The following DAB1 variants were observed in gnomAD, a reference collection of about 807,000 sequenced individuals.
The protein encoded by DAB1 is disabled homolog 1.
In DAB1, 15 loss-of-function variants were observed where a neutral mutation model predicts 64.6. That is an observed-to-expected ratio of 0.23 (90% CI 0.16 to 0.36). The LOEUF is 0.36. DAB1 is among the 10% of genes least tolerant of loss of function. The pLI, the probability that DAB1 is intolerant of heterozygous loss-of-function variation, is 1.00. For synonymous variants in DAB1, 235 were observed against 251.9 expected, an observed-to-expected ratio of 0.93 and a Z score of 0.64; for missense variants, 596 against 706.7, an observed-to-expected ratio of 0.84 and a Z score of 1.78.
At chr1:57,250,808 T>C (rs1489034125) in intron 2 of DAB1, among the ~76,000 whole-genome samples, 1 of 152,242 alleles carries the variant, frequency 6.6e-6, no homozygotes. Context: ...CATATTATCA[T>C]GTCATCTTTT....
At chr1:57,597,035 A>C (rs1212889789) in intron 7 of DAB1, among the ~76,000 whole-genome samples, 1 of 152,114 alleles carries the variant, frequency 6.6e-6, no homozygotes, top group Admixed American at 6.6e-5. Flanking sequence ...TCTGAAAGTG[A>C]GTGTTTATCC....
At chr1:57,614,619 T>C (rs914688302) in intron 7 of DAB1, among the ~76,000 whole-genome samples, 1 of 152,170 alleles carries the variant, frequency 6.6e-6, no homozygotes, top group Non-Finnish European at 1.5e-5. Context: ...CCTTATGAGA[T>C]GATTGTGACA....
chr1:57,614,794 T>C (rs1329295769), intron 7 of DAB1, among the ~76,000 whole-genome samples: 1 of 152,124 alleles, frequency 6.6e-6, no homozygotes, highest in African/African-American at 2.4e-5. Context: ...GTGAATTTTG[T>C]TTCCATAGTG....
chr1:57,050,175 C>T (rs777839954), intron 9 of DAB1, among the ~76,000 whole-genome samples: 51 of 152,144 alleles, frequency 3.4e-4, no homozygotes, highest in Non-Finnish European at 6.3e-4. Flanking sequence ...ATATTAGATC[C>T]CCTCTATTAA....
intron 6 of DAB1, among the ~76,000 whole-genome samples, chr1:57,814,949 C>T (rs1209595921): frequency 1.3e-5 from 2 of 152,156 alleles, no homozygotes; most frequent in African/African-American, 2.4e-5. Flanking sequence ...TTTGAGGCTA[C>T]GATGCTGTAG....
intron 4 of DAB1, among the ~76,000 whole-genome samples, chr1:58,313,848 T>A (rs1445156149): frequency 5.5e-5 from 8 of 145,096 alleles, no homozygotes; most frequent in African/African-American, 2.1e-4. Flanking sequence ...TGTGTGTGTG[T>A]GTGTGTGTGA....
intron 5 of DAB1, among the ~76,000 whole-genome samples, chr1:57,919,991 G>A (rs551537008): frequency 1.0e-3 from 158 of 152,278 alleles, no homozygotes; most frequent in South Asian, 6.8e-3. Context: ...TGGATTTATA[G>A]AGTTTATTTT....
intron 4 of DAB1, among the ~76,000 whole-genome samples, chr1:58,269,215 C>A (rs1452086440): frequency 6.9e-6 from 1 of 145,812 alleles, no homozygotes; most frequent in African/African-American, 2.5e-5. Flanking sequence ...CTTCCTGTGT[C>A]CATGTGATCT....
In DAB1 at chr1:57,176,965, G is replaced by C. The variant is rs12062456; in HGVS notation, c.68-31536C>G. ...AAGCAGATAAAAAAAAGAAGCAGCA[G>C]CAGATATAAAAAAAAAAAAAAAAAA... On this transcript the variant is annotated intron_variant, in intron 2 of 14. Transcript: ENST00000371236. Among the ~76,000 whole-genome samples, 591 of 78,260 alleles carry C rather than the reference G, an allele frequency of 7.6e-3. 5 individuals are homozygous for C. The highest frequency in any genetic ancestry group is 0.033 in the African/African-American group (535 of 16,458). The allele number at this position is 78,260 out of a possible 152,430, so 51.3% of individuals were successfully genotyped here.
At chr1:57,533,664 A>G (rs981890655) in intron 7 of DAB1, among the ~76,000 whole-genome samples, 2 of 56,682 alleles carry the variant, frequency 3.5e-5, no homozygotes, top group African/African-American at 7.5e-5. Flanking sequence ...GCTTCCTTGC[A>G]GCCAAAATTA....
At chr1:57,085,578 A>G (rs1194978638) in intron 4 of DAB1, among the ~76,000 whole-genome samples, 2 of 152,242 alleles carry the variant, frequency 1.3e-5, no homozygotes, top group Non-Finnish European at 2.9e-5. Context: ...ACTCTACAGC[A>G]GAGAAGGGAG....
At chr1:57,991,407 G>A (rs569478916) in intron 5 of DAB1, among the ~76,000 whole-genome samples, 1 of 152,228 alleles carries the variant, frequency 6.6e-6, no homozygotes, top group Admixed American at 6.5e-5. Context: ...CATTGTTCTG[G>A]GGATAAAGAA....
chr1:58,422,437 C>A (rs1400328797), intron 3 of DAB1, among the ~76,000 whole-genome samples: 1 of 151,710 alleles, frequency 6.6e-6, no homozygotes, highest in Non-Finnish European at 1.5e-5. Context: ...GTGCTGAGGA[C>A]AAGTTCAAGG....
rs1647596891 is a variant in DAB1 at position 57,040,357 on chromosome 1, T to C, written c.724-14314A>G. On this transcript the variant is annotated intron_variant, in intron 9 of 14. Transcript: ENST00000371236. ...TGTGTCATCATCATGATAGCCAAGA[T>C]GGGGCCAGGGATGGAAATTAGGAAG... 2.6e-5 allele frequency among the ~76,000 whole-genome samples: 4 copies of C among 152,150 alleles called. No individual in the cohort carries two copies. In the South Asian group the frequency reaches 8.3e-4, roughly 32 times the overall value.
chr1:57,945,121 G>A (rs1228677087), intron 5 of DAB1, among the ~76,000 whole-genome samples: 2 of 152,070 alleles, frequency 1.3e-5, no homozygotes, highest in East Asian at 1.9e-4. Flanking sequence ...CAAAACCGGC[G>A]ATTTCTGCCT....
intron 1 of DAB1, among the ~76,000 whole-genome samples, chr1:57,395,460 C>G (rs141876162): frequency 6.6e-6 from 1 of 152,094 alleles, no homozygotes; most frequent in African/African-American, 2.4e-5. Flanking sequence ...TCACGGGAAA[C>G]GTAAAGAAGG....
rs978674830 is a variant in DAB1 at position 56,995,035 on chromosome 1, C to T, written c.*3109G>A. ...AACGCAGAAATTGAAATGAACCAAACCCACAGAGTAAACATTTGTTTAAAA... is the reference window on the plus strand; with the variant it reads ...AACGCAGAAATTGAAATGAACCAAATCCACAGAGTAAACATTTGTTTAAAA... On this transcript the variant is annotated 3_prime_UTR_variant, in exon 15 of 15. Transcript: ENST00000371236. The T allele has an allele frequency of 1.3e-5, 2 of 152,098 alleles. No homozygotes were observed. Among genetic ancestry groups the T allele is most frequent in the African/African-American group, 4.8e-5 (2 of 41,410 alleles). 9.4% of individuals were successfully genotyped at this position (152,098 alleles called of 1,614,324 possible). A position where few individuals can be genotyped will look rare whatever the true frequency, so the allele number is the denominator to read the frequency against.
At chr1:57,313,693 T>C (rs1674935502) in intron 1 of DAB1, among the ~76,000 whole-genome samples, 1 of 152,248 alleles carries the variant, frequency 6.6e-6, no homozygotes, top group South Asian at 2.1e-4. Flanking sequence ...GTTAACATTA[T>C]ATTACGTTTA....
chr1:58,298,888 T>C (rs1245766441), intron 4 of DAB1, among the ~76,000 whole-genome samples: 2 of 152,222 alleles, frequency 1.3e-5, no homozygotes, highest in Non-Finnish European at 2.9e-5. Context: ...CTCTACTCTA[T>C]GTAGAAGTAT....
Sources: gnomAD v4.1 joint callset for allele counts (sites outside exome capture counted in the v4.1 genomes callset) on GRCh38, gnomAD v4.1.1 for gene constraint, MANE v1.5 for transcripts, NCBI Gene and HGNC (gene_info 2026-07-23, HGNC 2026-07-21) for gene names.